Variants in VWC2 observed in about 807,000 individuals in gnomAD.
VWC2 encodes brorin.
VWC2 carries 14 observed loss-of-function variants against 29.8 expected under a neutral mutation model. The ratio of observed to expected loss-of-function variants is 0.47; its 90% CI spans 0.31 to 0.74. The LOEUF (loss-of-function observed/expected upper bound fraction) is 0.74. Ranked by LOEUF, VWC2 falls within the 30% of genes least tolerant of loss-of-function variation. The pLI is 0.05. For synonymous variants in VWC2, 213 were observed against 199.0 expected (o/e 1.07, Z -0.59); for missense variants, 457 against 459.8 (o/e 0.99, Z 0.05).
chr7:49,909,593 G>T (rs1793294488), intron 3 of VWC2, among the ~76,000 whole-genome samples: 1 of 152,148 alleles, frequency 6.6e-6, no homozygotes, highest in Non-Finnish European at 1.5e-5. Flanking sequence ...AAAGCTAATG[G>T]ATATGTGACA....
chr7:49,908,088 A>G (rs1326081853), intron 3 of VWC2, among the ~76,000 whole-genome samples: 2 of 152,248 alleles, frequency 1.3e-5, no homozygotes, highest in Non-Finnish European at 2.9e-5. Flanking sequence ...GACAAAATAC[A>G]TCTATTTCTT....
chr7:49,852,396 C>T (rs1037417990), intron 3 of VWC2, among the ~76,000 whole-genome samples: 1 of 152,232 alleles, frequency 6.6e-6, no homozygotes, highest in Non-Finnish European at 1.5e-5. Flanking sequence ...CCTGTTCACT[C>T]ATCTCCTTAA....
rs915080674 is a variant in VWC2, at chr7:49,893,454, G to A, written c.827-18580G>A. Reference sequence around the variant, plus strand: ...ATAGAGACAAAATTTGATTTTTTTCGTGCTTGTTTTAGTCCCTCTTTAAAA... The same window carrying A: ...ATAGAGACAAAATTTGATTTTTTTCATGCTTGTTTTAGTCCCTCTTTAAAA... On this transcript the variant is annotated intron_variant, in intron 3 of 3. Transcript: ENST00000340652. Among the ~76,000 whole-genome samples, 3 of 152,124 alleles carry A rather than the reference G, an allele frequency of 2.0e-5. No homozygotes were observed. The South Asian group carries it at 6.2e-4, about 32-fold the overall frequency.
rs377517394 is a variant in VWC2 at position 49,845,652 on chromosome 7, C to CTTCAGAAG, written c.826+42812_826+42813insTTCAGAAG. 3.2e-3 allele frequency among the ~76,000 whole-genome samples: 494 copies of CTTCAGAAG among 152,330 alleles called. 6 individuals carry two copies. The highest frequency in any genetic ancestry group is 0.011 in the African/African-American group (461 of 41,578). Reference sequence around the variant, plus strand: ...TACAGAAATTCCTAACTTTAAAATACCAACCTTCGGTGATACTTCAGAAGC... The same window carrying CTTCAGAAG: ...TACAGAAATTCCTAACTTTAAAATACTTCAGAAGCAACCTTCGGTGATACTTCAGAAGC... On this transcript the variant is annotated intron_variant, in intron 3 of 3. Coordinates refer to ENST00000340652, the MANE Select transcript of VWC2 (RefSeq NM_198570.5).
intron 3 of VWC2, among the ~76,000 whole-genome samples, chr7:49,819,351 G>A (rs185027791): frequency 3.4e-4 from 51 of 152,236 alleles, no homozygotes; most frequent in Non-Finnish European, 6.5e-4. Flanking sequence ...CTGCTGTGAC[G>A]CTCACAGTCT....
intron 3 of VWC2, among the ~76,000 whole-genome samples, chr7:49,847,721 C>T (rs1215893918): frequency 6.6e-6 from 1 of 152,126 alleles, no homozygotes; most frequent in African/African-American, 2.4e-5. Flanking sequence ...GTGAGGCGGG[C>T]TTAGGATTGG....
chr7:49,801,250 G>A (rs1419185862), intron 2 of VWC2, among the ~76,000 whole-genome samples: 1 of 152,222 alleles, frequency 6.6e-6, no homozygotes, highest in South Asian at 2.1e-4. Context: ...CCTTACAAGC[G>A]GTATTTGTAT....
chr7:49,784,509 C>T (rs1003210509), intron 2 of VWC2, among the ~76,000 whole-genome samples: 5 of 152,134 alleles, frequency 3.3e-5, no homozygotes, highest in South Asian at 4.2e-4. Context: ...GGTTGTGGCA[C>T]GTGAAGAGTT....
chr7:49,798,805 C>G (rs1332832707), intron 2 of VWC2, among the ~76,000 whole-genome samples: 1 of 152,200 alleles, frequency 6.6e-6, no homozygotes, highest in Non-Finnish European at 1.5e-5. Context: ...TTTTATTTTG[C>G]TACTTTAACA....
At chr7:49,871,472 T>C (rs930883073) in intron 3 of VWC2, among the ~76,000 whole-genome samples, 6 of 152,166 alleles carry the variant, frequency 3.9e-5, no homozygotes, top group Admixed American at 3.3e-4. Flanking sequence ...TAATACACAG[T>C]GACTAAATCA....
At chr7:49,886,799 C>T (rs1198766037) in intron 3 of VWC2, among the ~76,000 whole-genome samples, 1 of 152,218 alleles carries the variant, frequency 6.6e-6, no homozygotes, top group African/African-American at 2.4e-5. Context: ...CTTTGACACA[C>T]AACACTTTGG....
intron 3 of VWC2, among the ~76,000 whole-genome samples, chr7:49,834,624 G>A (rs574057816): frequency 1.3e-5 from 2 of 152,314 alleles, no homozygotes; most frequent in South Asian, 2.1e-4. Flanking sequence ...ACGAAATGCC[G>A]AGTAAATGCT....
intron 2 of VWC2, among the ~76,000 whole-genome samples, chr7:49,789,189 G>A (rs983617898): frequency 2.7e-5 from 4 of 149,348 alleles, no homozygotes; most frequent in African/African-American, 7.4e-5. Flanking sequence ...GTGTGTGGGT[G>A]CATGTGTGAG....
chr7:49,911,576 T>C (rs1207443386), intron 3 of VWC2, among the ~76,000 whole-genome samples: 1 of 151,724 alleles, frequency 6.6e-6, no homozygotes, highest in African/African-American at 2.4e-5. Flanking sequence ...ACTTTGCCAC[T>C]GTCCTTCATA....
At chr7:49,790,820 G>A (rs1286979125) in intron 2 of VWC2, among the ~76,000 whole-genome samples, 1 of 151,894 alleles carries the variant, frequency 6.6e-6, no homozygotes, top group Non-Finnish European at 1.5e-5. Flanking sequence ...ACAGTTTCAG[G>A]GAAGAAACCT....
intron 2 of VWC2, among the ~76,000 whole-genome samples, chr7:49,776,568 C>T (rs892521807): frequency 2.6e-5 from 4 of 152,166 alleles, no homozygotes; most frequent in Non-Finnish European, 5.9e-5. Context: ...TATAAAAAGC[C>T]ATTTCCCTAG....
intron 3 of VWC2, among the ~76,000 whole-genome samples, chr7:49,894,313 G>T (rs1045269595): frequency 6.6e-6 from 1 of 152,238 alleles, no homozygotes; most frequent in South Asian, 2.1e-4. Context: ...GCACCGCCAT[G>T]CCCGGCTAAT....
intron 3 of VWC2, among the ~76,000 whole-genome samples, chr7:49,891,875 A>G (rs1380517377): frequency 6.6e-6 from 1 of 151,422 alleles, no homozygotes; most frequent in East Asian, 1.9e-4. Context: ...TCTGCTATTG[A>G]TAGATACTTT....
At chr7:49,862,667 T>C (rs1385645832) in intron 3 of VWC2, among the ~76,000 whole-genome samples, 1 of 152,036 alleles carries the variant, frequency 6.6e-6, no homozygotes, top group Non-Finnish European at 1.5e-5. Flanking sequence ...TTTTTTTCAT[T>C]ATAATAGATC....
Sources: gnomAD v4.1 joint callset for allele counts (sites outside exome capture counted in the v4.1 genomes callset) on GRCh38, gnomAD v4.1.1 for gene constraint, MANE v1.5 for transcripts, NCBI Gene and HGNC (gene_info 2026-07-23, HGNC 2026-07-21) for gene names.